FAT1: variants seen among roughly 807,000 people sequenced by gnomAD.
FAT1 encodes protocadherin Fat 1.
In FAT1, 171 loss-of-function variants were observed where a neutral mutation model predicts 329.8. The ratio of observed to expected loss-of-function variants is 0.52; its 90% CI spans 0.46 to 0.59. The LOEUF is 0.59. Ranked by LOEUF, FAT1 falls within the 20% of genes least tolerant of loss-of-function variation. The pLI is 0.00. For synonymous variants in FAT1, 2,233 were observed against 2,228.6 expected (o/e 1.00, Z -0.06); for missense variants, 5,672 against 5,774.4 (o/e 0.98, Z 0.57).
rs1026919872 is a variant in FAT1 at position 186,707,572 on chromosome 4, C to T, written c.2256G>A (p.Leu752=). 6.2e-6 allele frequency: 10 copies of T among 1,613,802 alleles called. No homozygotes were observed. The highest frequency in any genetic ancestry group is 7.6e-6 in the Non-Finnish European group (9 of 1,179,890). ...TDLDTGFNGK[L]VYAVSGGNED... ...CATTTCCTCCAGAAACAGCATAGAC[C>T]AGTTTTCCATTGAAGCCAGTGTCAA... is the stretch of plus-strand genomic sequence containing the variant. Residue 752 remains leucine (L), a synonymous_variant, in exon 2 of 27, where the codon CTG becomes CTA. Transcript: ENST00000441802.
chr4:186,703,294 T>G (rs952233861), intron 2 of FAT1, among the ~76,000 whole-genome samples: 3 of 152,218 alleles, frequency 2.0e-5, no homozygotes, highest in Non-Finnish European at 4.4e-5. Flanking sequence ...GGTGACAGAT[T>G]TTTAGGTAGT....
chr4:186,669,052 C>T (rs946361882), intron 2 of FAT1, among the ~76,000 whole-genome samples: 9 of 152,186 alleles, frequency 5.9e-5, no homozygotes, highest in African/African-American at 2.2e-4. Flanking sequence ...TACACATATT[C>T]ACGACCTCAC....
intron 3 of FAT1, among the ~76,000 whole-genome samples, chr4:186,651,069 T>C (rs1248473408): frequency 6.8e-6 from 1 of 146,020 alleles, no homozygotes; most frequent in African/African-American, 2.5e-5. Context: ...TATTTATTAT[T>C]AATAATTGAT....
intron 2 of FAT1, among the ~76,000 whole-genome samples, chr4:186,688,622 T>C (rs1743594302): frequency 6.7e-6 from 1 of 150,002 alleles, no homozygotes; most frequent in African/African-American, 2.5e-5. Context: ...CCTGTCACAA[T>C]GATGGTTCAC....
chr4:186,634,091 G>T (rs1401077703), intron 6 of FAT1, among the ~76,000 whole-genome samples: 1 of 152,182 alleles, frequency 6.6e-6, no homozygotes, highest in African/African-American at 2.4e-5. Context: ...TATTGCCAAT[G>T]AGTTACTTTC....
intron 4 of FAT1, among the ~76,000 whole-genome samples, chr4:186,637,823 C>A (rs2126567141): frequency 1.3e-5 from 2 of 152,314 alleles, no homozygotes; most frequent in South Asian, 2.1e-4. Context: ...CAGTTGTAAA[C>A]CCTGTTTATT....
chr4:186,588,944 C>T lies in FAT1; in HGVS notation c.13415G>A (p.Gly4472Asp), dbSNP rs2126352958. The change falls in exon 27 of 27, where the codon GGT becomes GAT. Residue 4472 changes from glycine to aspartate, a missense_variant. Coordinates refer to ENST00000441802, the MANE Select transcript of FAT1 (RefSeq NM_005245.4). ...IHPPRDMPAA[G>D]SLGSSSRNRQ... ...GTTTCTTGATGAAGAACCCAAGCTA[C>T]CCGCGGCAGGCATGTCTCTAGGAGG... 1.9e-6 allele frequency: 3 copies of T among 1,613,980 alleles called. No individual in the cohort carries two copies. The highest frequency in any genetic ancestry group is 2.5e-6 in the Non-Finnish European group (3 of 1,179,890).
chr4:186,606,038 A>T (rs2126446674), intron 17 of FAT1, 32 bp downstream of exon 17: 1 of 1,592,976 alleles, frequency 6.3e-7, no homozygotes, highest in Non-Finnish European at 8.5e-7. Flanking sequence ...ATTTCAAAGA[A>T]CCCCAGGACC....
chr4:186,642,805 G>A (rs1741164205), intron 3 of FAT1, among the ~76,000 whole-genome samples: 1 of 152,178 alleles, frequency 6.6e-6, no homozygotes, highest in Non-Finnish European at 1.5e-5. Flanking sequence ...AGAGAACAGT[G>A]GGCCTATAAA....
rs2126706044 is a variant in FAT1 at position 186,709,693 on chromosome 4, C to G, written c.135G>C (p.Glu45Asp). ...THLEYNVTVQENSAAKTYVGH... is the reference protein window; with the variant it reads ...THLEYNVTVQDNSAAKTYVGH... ...CCACATAAGTCTTAGCTGCAGAGTTCTCCTGCACGGTGACGTTGTACTCGA... is the reference window on the plus strand; with the variant it reads ...CCACATAAGTCTTAGCTGCAGAGTTGTCCTGCACGGTGACGTTGTACTCGA... Residue 45 changes from glutamate (E) to aspartate (D), a missense_variant, in exon 2 of 27, where the codon GAG becomes GAC. Coordinates refer to ENST00000441802, the MANE Select transcript of FAT1 (RefSeq NM_005245.4). The G allele has an allele frequency of 6.2e-7, 1 of 1,613,982 alleles. No homozygotes were observed. Among genetic ancestry groups the G allele is most frequent in the Non-Finnish European group, 8.5e-7 (1 of 1,179,896 alleles).
chr4:186,695,907 T>C (rs1336689624), intron 2 of FAT1, among the ~76,000 whole-genome samples: 1 of 152,046 alleles, frequency 6.6e-6, no homozygotes, highest in Non-Finnish European at 1.5e-5. Context: ...TTCTCCTGCC[T>C]CAGCCTCTGG....
rs2126470278 is a variant in FAT1 at position 186,611,749 on chromosome 4, G to C, written c.9490C>G (p.Leu3164Val). ...AACTGCCCATCAGCAGAGTCAATCA[G>C]TGAGTATAAAATCTTCCGATTTAAT... Reference protein sequence around the residue: ...AGLNRKILYSLIDSADGQFSI... With the variant: ...AGLNRKILYSVIDSADGQFSI... Residue 3164 changes from leucine (L) to valine (V), a missense_variant, in exon 14 of 27, where the codon CTG (leucine) becomes GTG (valine). Around this residue, in one of 2 missense-constraint regions of FAT1, gnomAD observed 1,706 missense variants for 1,859.1 expected, o/e 0.92. Transcript: ENST00000441802. 6.3e-7 allele frequency: 1 copy of C among 1,579,908 alleles called. No homozygotes were observed.
At chr4:186,677,756 C>T (rs1389605228) in intron 2 of FAT1, among the ~76,000 whole-genome samples, 1 of 152,098 alleles carries the variant, frequency 6.6e-6, no homozygotes, top group Non-Finnish European at 1.5e-5. Context: ...GGAAACAAAT[C>T]TCATAAAGTA....
chr4:186,706,484 A>T (rs1004334974), intron 2 of FAT1, 79 bp downstream of exon 2: 23 of 1,442,960 alleles, frequency 1.6e-5, no homozygotes, highest in Non-Finnish European at 2.0e-5. Context: ...ATTTTGAAGA[A>T]GCTGCCACAG....
chr4:186,636,480 C>A, intron 5 of FAT1, 105 bp downstream of exon 5: 1 of 1,264,386 alleles, frequency 7.9e-7, no homozygotes, highest in Non-Finnish European at 1.1e-6. Context: ...GTCACAAACA[C>A]TTCAGCCGTT....
In FAT1 at chr4:186,636,574, T is replaced by A. The variant is rs2126562400; in HGVS notation, c.3972+11A>T. Reference sequence around the variant, plus strand: ...CATATGAAAAATTACAGTACTACAATCTTAACTCACTGAAAGAATATCATA... The same window carrying A: ...CATATGAAAAATTACAGTACTACAAACTTAACTCACTGAAAGAATATCATA... On this transcript the variant is annotated intron_variant, in intron 5 of 26. Coordinates refer to ENST00000441802, the MANE Select transcript of FAT1 (RefSeq NM_005245.4). 1 of 1,594,100 alleles carries A rather than the reference T, an allele frequency of 6.3e-7. No homozygotes were observed. The highest frequency in any genetic ancestry group is 8.5e-7 in the Non-Finnish European group (1 of 1,170,692).
intron 17 of FAT1, among the ~76,000 whole-genome samples, chr4:186,605,270 G>GGGAGTGGGGA (rs1739055416): frequency 6.9e-6 from 1 of 145,688 alleles, no homozygotes; most frequent in African/African-American, 2.5e-5. Flanking sequence ...GAGTGGGGAG[G>GGGAGTGGGGA]AGAAAGAGAA....
chr4:186,669,439 C>T (rs1742634909), intron 2 of FAT1, among the ~76,000 whole-genome samples: 1 of 152,190 alleles, frequency 6.6e-6, no homozygotes, highest in Non-Finnish European at 1.5e-5. Flanking sequence ...TGCCACTCAG[C>T]AGTGCCATCA....
chr4:186,635,845 C>A (rs1453531562), intron 6 of FAT1, among the ~76,000 whole-genome samples, 180 bp downstream of exon 6: 3 of 152,164 alleles, frequency 2.0e-5, no homozygotes, highest in African/African-American at 4.8e-5. Context: ...GCAAGTTTAA[C>A]ATATGCTATA....
Sources: gnomAD v4.1 joint callset for allele counts (sites outside exome capture counted in the v4.1 genomes callset) on GRCh38, gnomAD v4.1.1 for gene constraint, gnomAD v4.1.1 regional missense constraint, MANE v1.5 for transcripts, NCBI Gene and HGNC (gene_info 2026-07-23, HGNC 2026-07-21) for gene names.